The following TRIM2 variants were observed in gnomAD, a reference collection of about 807,000 sequenced individuals.
The protein encoded by TRIM2 is tripartite motif containing 2, also known as tripartite motif-containing protein 2.
TRIM2 carries 20 observed loss-of-function variants against 75.2 expected under a neutral mutation model. The ratio of observed to expected loss-of-function variants is 0.27; its 90% CI spans 0.19 to 0.39. The LOEUF is 0.39. Among genes scored for constraint, TRIM2 ranks in the 10% least tolerant of loss-of-function variants. The pLI, the probability that TRIM2 is intolerant of heterozygous loss-of-function variation, is 1.00. For synonymous variants in TRIM2, 373 were observed against 388.3 expected, an observed-to-expected ratio of 0.96 and a Z score of 0.46; for missense variants, 660 against 990.8, an observed-to-expected ratio of 0.67 and a Z score of 4.48.
chr4:153,326,940 A>T (rs369225673), intron 10 of TRIM2, among the ~76,000 whole-genome samples: 1 of 148,088 alleles, frequency 6.8e-6, no homozygotes, highest in South Asian at 2.1e-4. Context: ...AGATTGTGCC[A>T]CTGCATTCCA....
At chr4:153,316,873 C>CTTTTTTTTG (rs1767717912) in intron 8 of TRIM2, among the ~76,000 whole-genome samples, 1 of 61,576 alleles carries the variant, frequency 1.6e-5, no homozygotes, top group Non-Finnish European at 2.6e-5. Flanking sequence ...TGCATTATGC[C>CTTTTTTTTG]TTTTTTTTTT....
At chr4:153,294,527 T>C (rs1579423264) in intron 5 of TRIM2, 42 bp downstream of exon 5, 2 of 1,595,432 alleles carry the variant, frequency 1.3e-6, no homozygotes, top group South Asian at 2.3e-5. Context: ...AGAGACATGA[T>C]ATCCAAGGGC....
intron 6 of TRIM2, among the ~76,000 whole-genome samples, chr4:153,298,649 A>G (rs79491398): frequency 0.012 from 1,890 of 152,298 alleles, 51 homozygotes; most frequent in African/African-American, 0.043. Context: ...AGGCTAACAT[A>G]TGCATTACCT....
chr4:153,247,634 C>T (rs1481265788), intron 1 of TRIM2, among the ~76,000 whole-genome samples: 4 of 138,136 alleles, frequency 2.9e-5, no homozygotes, highest in African/African-American at 8.2e-5. Context: ...GCTGAGATAG[C>T]GCCACCACAC....
chr4:153,231,621 C>A (rs760056596), intron 1 of TRIM2, among the ~76,000 whole-genome samples: 1 of 152,100 alleles, frequency 6.6e-6, no homozygotes, highest in African/African-American at 2.4e-5. Flanking sequence ...ATCTTCAGTG[C>A]CTATTGGAGA....
rs1560902840 is a variant in TRIM2 at position 153,260,696 on chromosome 4, C to CACA, written c.31-9639_31-9638insACA. ...CACACCCACCCACACACCCACCCCC[C>CACA]CCCCCACACACACACACACACACAC... On this transcript the variant is annotated intron_variant, in intron 1 of 11. Transcript: ENST00000338700. Among the ~76,000 whole-genome samples the CACA allele has an allele frequency of 1.1e-3, 64 of 58,054 alleles. 4 individuals are homozygous for CACA. The highest frequency in any genetic ancestry group is 3.1e-3 in the South Asian group (3 of 966). 38.1% of individuals were successfully genotyped at this position (58,054 alleles called of 152,430 possible). A position where few individuals can be genotyped will look rare whatever the true frequency, so the allele number is the denominator to read the frequency against.
chr4:153,204,334 C>A (rs975868068), upstream of TRIM2: 10 of 614,464 alleles, frequency 1.6e-5, no homozygotes, highest in Non-Finnish European at 2.9e-5. Context: ...GCAAACAGAG[C>A]CCAAAGAGGC....
At chr4:153,285,763 G>C (rs1032100878) in intron 3 of TRIM2, among the ~76,000 whole-genome samples, 3 of 89,694 alleles carry the variant, frequency 3.3e-5, no homozygotes, top group African/African-American at 1.4e-4. Flanking sequence ...GTGTGTGCGT[G>C]TGTGTGTGTG....
chr4:153,232,171 C>T (rs1743821012), intron 1 of TRIM2, among the ~76,000 whole-genome samples: 2 of 152,128 alleles, frequency 1.3e-5, no homozygotes, highest in African/African-American at 4.8e-5. Context: ...ATCAATATAT[C>T]TTTTTGGAGG....
chr4:153,316,155 C>T (rs1419939252), intron 8 of TRIM2, among the ~76,000 whole-genome samples, 156 bp downstream of exon 8: 4 of 152,164 alleles, frequency 2.6e-5, no homozygotes, highest in African/African-American at 9.7e-5. Context: ...GTGAGAGTAA[C>T]AGTGATAATT....
intron 6 of TRIM2, among the ~76,000 whole-genome samples, chr4:153,299,461 T>C (rs1763421084): frequency 6.6e-6 from 1 of 152,212 alleles, no homozygotes; most frequent in Non-Finnish European, 1.5e-5. Flanking sequence ...ATCTTGGCTA[T>C]TGTGAACAGT....
intron 1 of TRIM2, among the ~76,000 whole-genome samples, chr4:153,158,559 A>C (rs1287081477): frequency 1.3e-5 from 2 of 152,226 alleles, no homozygotes; most frequent in African/African-American, 4.8e-5. Flanking sequence ...AGCATGTGAC[A>C]ATTTTAAAAC....
intron 3 of TRIM2, among the ~76,000 whole-genome samples, chr4:153,289,397 A>G (rs1232274218): frequency 2.6e-5 from 4 of 152,216 alleles, no homozygotes; most frequent in African/African-American, 9.7e-5. Context: ...GCTACCAACC[A>G]GTGACCTGAC....
chr4:153,262,116 T>A (rs1026713726), intron 1 of TRIM2, among the ~76,000 whole-genome samples: 1 of 152,244 alleles, frequency 6.6e-6, no homozygotes, highest in South Asian at 2.1e-4. Flanking sequence ...CATGCATATG[T>A]GTCTGTAATT....
At chr4:153,183,544 G>A (rs1365591157) in intron 1 of TRIM2, among the ~76,000 whole-genome samples, 1 of 152,170 alleles carries the variant, frequency 6.6e-6, no homozygotes, top group Non-Finnish European at 1.5e-5. Context: ...AAAGGAGGAA[G>A]GGTGCTATGG....
At chr4:153,264,168 G>C (rs927910091) in intron 1 of TRIM2, among the ~76,000 whole-genome samples, 5 of 152,210 alleles carry the variant, frequency 3.3e-5, no homozygotes, top group African/African-American at 1.2e-4. Context: ...CTTTGTAAGA[G>C]GTCTTGCTGT....
At chr4:153,245,358 A>C (rs1283170697) in intron 1 of TRIM2, among the ~76,000 whole-genome samples, 7 of 152,332 alleles carry the variant, frequency 4.6e-5, no homozygotes, top group African/African-American at 1.7e-4. Flanking sequence ...ATGTCCAGAC[A>C]GTGAGTTAGG....
chr4:153,292,905 G>A (rs1762100976), intron 3 of TRIM2, 77 bp from the exon 4 acceptor site: 2 of 1,333,948 alleles, frequency 1.5e-6, no homozygotes, highest in South Asian at 2.1e-5. Flanking sequence ...ATGAGAGACT[G>A]CAAGGCAAGT....
chr4:153,208,320 G>A (rs983006621), intron 1 of TRIM2, among the ~76,000 whole-genome samples: 1 of 151,940 alleles, frequency 6.6e-6, no homozygotes, highest in East Asian at 1.9e-4. Flanking sequence ...ATTTTCACAG[G>A]AGGTAATGAT....
Sources: gnomAD v4.1 joint callset for allele counts (sites outside exome capture counted in the v4.1 genomes callset) on GRCh38, gnomAD v4.1.1 for gene constraint, MANE v1.5 for transcripts, NCBI Gene and HGNC (gene_info 2026-07-23, HGNC 2026-07-21) for gene names.